The following NOX4 variants were observed in gnomAD, a reference collection of about 807,000 sequenced individuals.
NOX4 encodes the protein NADPH oxidase 4.
NOX4 carries 69 observed loss-of-function variants against 87.6 expected under a neutral mutation model. The ratio of observed to expected loss-of-function variants is 0.79; its 90% CI spans 0.65 to 0.96. The LOEUF (loss-of-function observed/expected upper bound fraction) is 0.96. Among genes scored for constraint, NOX4 ranks in the 40% least tolerant of loss-of-function variants. NOX4 has a pLI of 0.00. For synonymous variants in NOX4, 275 were observed against 238.2 expected, an observed-to-expected ratio of 1.15 and a Z score of -1.42; for missense variants, 680 against 681.5, an observed-to-expected ratio of 1.00 and a Z score of 0.02.
rs535875557 is a variant in NOX4 at position 89,393,132 on chromosome 11, C to T, written c.1074+6885G>A. 2.1e-4 allele frequency among the ~76,000 whole-genome samples: 32 copies of T among 152,240 alleles called. 1 individual carries two copies. The South Asian group carries it at 6.0e-3, about 29-fold the overall frequency. Reference sequence around the variant, plus strand: ...ATTTTGCCCCTCAAAAGGCATCTGGCTACATTTGGAGACACTTTTGGAAGT... The same window carrying T: ...ATTTTGCCCCTCAAAAGGCATCTGGTTACATTTGGAGACACTTTTGGAAGT... On this transcript the variant is annotated intron_variant, in intron 11 of 17. Coordinates refer to ENST00000263317, the MANE Select transcript of NOX4 (RefSeq NM_016931.5).
chr11:89,495,342 G>C (rs1291782318), upstream of NOX4, among the ~76,000 whole-genome samples: 1 of 151,918 alleles, frequency 6.6e-6, no homozygotes, highest in Non-Finnish European at 1.5e-5. Flanking sequence ...AGTGGCTGCT[G>C]ACATTCTTTG....
chr11:89,438,734 T>C (rs1944245806), intron 6 of NOX4, among the ~76,000 whole-genome samples: 1 of 66,716 alleles, frequency 1.5e-5, no homozygotes, highest in Non-Finnish European at 2.5e-5. Flanking sequence ...ATATCATATA[T>C]ACTATATATA....
At chr11:89,420,007 C>T (rs557625689) in intron 8 of NOX4, among the ~76,000 whole-genome samples, 9 of 151,922 alleles carry the variant, frequency 5.9e-5, no homozygotes, top group Non-Finnish European at 1.2e-4. Context: ...AATCTCAAAG[C>T]AGTAAAGATA....
upstream of NOX4, chr11:89,491,568 C>T (rs932217164): frequency 8.5e-6 from 3 of 352,550 alleles, no homozygotes; most frequent in Non-Finnish European, 1.0e-5. Flanking sequence ...TGTCTAGGGG[C>T]GAGCCTGTTG....
intron 6 of NOX4, among the ~76,000 whole-genome samples, chr11:89,437,369 A>G (rs141316107): frequency 1.4e-3 from 216 of 152,256 alleles, no homozygotes; most frequent in African/African-American, 5.0e-3. Flanking sequence ...CAGTTCATTG[A>G]TAGAAAAAGG....
At chr11:89,454,956 C>T (rs1350003763) in intron 2 of NOX4, among the ~76,000 whole-genome samples, 2 of 152,096 alleles carry the variant, frequency 1.3e-5, no homozygotes, top group Non-Finnish European at 2.9e-5. Context: ...ATCTATGACT[C>T]TTTTCATCTC....
At chr11:89,406,707 G>A (rs1942206993) in intron 8 of NOX4, among the ~76,000 whole-genome samples, 1 of 152,026 alleles carries the variant, frequency 6.6e-6, no homozygotes, top group Non-Finnish European at 1.5e-5. Context: ...AATTTGGCTA[G>A]TACAGGTGAA....
chr11:89,491,158 G>A (rs10830279), intron 1 of NOX4, 32 bp downstream of exon 1: 1,024,823 of 1,603,474 alleles, frequency 0.64, 339,270 homozygotes, highest in Non-Finnish European at 0.69. Context: ...AGGACAGAGA[G>A]AACGCAAGGA....
At chr11:89,365,795 G>C (rs968611906) in intron 12 of NOX4, among the ~76,000 whole-genome samples, 15 of 136,190 alleles carry the variant, frequency 1.1e-4, no homozygotes, top group Non-Finnish European at 2.3e-4. Context: ...TTTCTTTTAT[G>C]TTTTATGAAG....
intron 6 of NOX4, among the ~76,000 whole-genome samples, chr11:89,436,858 T>G (rs1028153170): frequency 6.6e-6 from 1 of 152,062 alleles, no homozygotes; most frequent in Non-Finnish European, 1.5e-5. Context: ...ACCTTAGAAA[T>G]CCTTAATTGG....
intron 13 of NOX4, among the ~76,000 whole-genome samples, chr11:89,346,171 C>T (rs1406904986): frequency 6.6e-6 from 1 of 152,006 alleles, no homozygotes; most frequent in Non-Finnish European, 1.5e-5. Context: ...GAACTCAAGC[C>T]CACTTACAAT....
the NOX4 span, chr11:89,577,695 G>C: frequency 1.3e-5 from 2 of 152,048 alleles, no homozygotes; most frequent in Non-Finnish European, 2.9e-5. Context: ...CTGCAACACA[G>C]AACTGCTTCT....
intron 2 of NOX4, among the ~76,000 whole-genome samples, chr11:89,479,792 T>C (rs969801524): frequency 6.6e-6 from 1 of 152,218 alleles, no homozygotes; most frequent in Non-Finnish European, 1.5e-5. Flanking sequence ...AAACTACTTT[T>C]CACTAGACAC....
chr11:89,372,914 C>G (rs1371993414), intron 12 of NOX4, among the ~76,000 whole-genome samples: 1 of 151,830 alleles, frequency 6.6e-6, no homozygotes, highest in Non-Finnish European at 1.5e-5. Flanking sequence ...CAATGCATCT[C>G]TCAGGTAATA....
intron 7 of NOX4, among the ~76,000 whole-genome samples, chr11:89,431,522 C>T (rs1274626643): frequency 2.0e-5 from 3 of 152,132 alleles, no homozygotes; most frequent in South Asian, 2.1e-4. Context: ...CAAACAACCC[C>T]ATCAAAAAGT....
chr11:89,432,790 G>T lies in NOX4; in HGVS notation c.542C>A (p.Ala181Glu). 6.2e-7 allele frequency: 1 copy of T among 1,604,108 alleles called. No homozygotes were observed. The highest frequency in any genetic ancestry group is 8.5e-7 in the Non-Finnish European group (1 of 1,171,754). Reference protein sequence around the residue: ...LFLMITASTYAIRVSNYDIFW... With the variant: ...LFLMITASTYEIRVSNYDIFW... ...AATTGATTCTGACACTTACCTTATT[G>T]CATATGTAGAGGCTGTGATCATGAG... Residue 181 changes from alanine (A) to glutamate (E), a missense_variant, in exon 7 of 18, where the codon GCA (alanine) becomes GAA (glutamate). Transcript: ENST00000263317.
At chr11:89,370,628 G>T (rs1939368481) in intron 12 of NOX4, among the ~76,000 whole-genome samples, 1 of 152,006 alleles carries the variant, frequency 6.6e-6, no homozygotes, top group Admixed American at 6.6e-5. Flanking sequence ...AATTAAAAGA[G>T]AAATCTACTT....
intron 2 of NOX4, among the ~76,000 whole-genome samples, chr11:89,489,830 TAAG>T (rs1946782006): frequency 6.6e-6 from 1 of 151,270 alleles, no homozygotes; most frequent in South Asian, 2.1e-4. Context: ...AGCAGTCAAA[TAAG>T]AAGGAGATGG....
At chr11:89,406,161 T>G (rs1942168920) in intron 8 of NOX4, among the ~76,000 whole-genome samples, 1 of 152,114 alleles carries the variant, frequency 6.6e-6, no homozygotes, top group Non-Finnish European at 1.5e-5. Context: ...TTAGAATTCT[T>G]ATATTTGAAG....
Sources: allele counts gnomAD v4.1 joint callset (sites outside exome capture counted in the v4.1 genomes callset), GRCh38; gene constraint gnomAD v4.1.1; transcripts MANE v1.5; gene names NCBI Gene and HGNC (gene_info 2026-07-23, HGNC 2026-07-21).